Variants in TLE5 observed in about 807,000 individuals in gnomAD.
TLE5 encodes TLE family member 5.
In TLE5, 7 loss-of-function variants were observed where a neutral mutation model predicts 25.8. The ratio of observed to expected loss-of-function variants is 0.27; its 90% confidence interval spans 0.15 to 0.51. The LOEUF (loss-of-function observed/expected upper bound fraction) is 0.51. Ranked by LOEUF, TLE5 falls within the 20% of genes least tolerant of loss-of-function variation. The pLI is 0.97. For synonymous variants in TLE5, 132 were observed against 110.5 expected, an observed-to-expected ratio of 1.20 and a Z score of -1.22; for missense variants, 149 against 250.7, an observed-to-expected ratio of 0.59 and a Z score of 2.74.
At chr19:3,054,086 T>TGGGGGGGGGGGCCCCCCCCC in intron 6 of TLE5, 34 bp downstream of exon 6, 1 of 1,512,810 alleles carries the variant, frequency 6.6e-7, no homozygotes, top group Non-Finnish European at 8.9e-7. Context: ...GGCCCACCTG[T>TGGGGGGGGGGGCCCCCCCCC]CCCCCGCCCA....
chr19:3,062,544 C>G, upstream of TLE5: 1 of 719,750 alleles, frequency 1.4e-6, no homozygotes, highest in Non-Finnish European at 1.7e-6. Flanking sequence ...TGCCGCCGCC[C>G]GTGCCCCGTG....
chr19:3,056,527 G>C (rs2090220426), intron 3 of TLE5, 171 bp from the exon 4 acceptor site: 1,582 of 494,424 alleles, frequency 3.2e-3, no homozygotes, highest in East Asian at 5.9e-3. Flanking sequence ...AGGAGGGAGA[G>C]ACGCCCACAC....
Position 3,054,202 on chromosome 19 carries a change from G to C in TLE5, c.298-8C>G, listed in dbSNP as rs776562315. The C allele has an allele frequency of 3.7e-6, 6 of 1,608,174 alleles. No homozygotes were observed. Among genetic ancestry groups the C allele is most frequent in the Non-Finnish European group, 5.1e-6 (6 of 1,179,128 alleles). ...CAAGACCTGCTGCTGGTGCTGGAAG[G>C]GGGTCGGGGGAGAGGAGAGGCAGTG... On this transcript the variant is annotated splice_polypyrimidine_tract_variant and splice_region_variant and intron_variant, in intron 5 of 6. Transcript: ENST00000327141.
At chr19:3,062,512 C>T, upstream of TLE5, 1 of 632,358 alleles carries the variant, frequency 1.6e-6, no homozygotes, top group African/African-American at 2.0e-5. Flanking sequence ...GGCTCGGCTG[C>T]TGCGGAGGCT....
intron 4 of TLE5, 39 bp from the exon 5 acceptor site, chr19:3,055,765 G>A (rs779487962): frequency 1.3e-6 from 2 of 1,567,570 alleles, no homozygotes; most frequent in Middle Eastern, 1.7e-4. Context: ...GTCCTGGGCG[G>A]GTGGCAGGTG....
At position 3,053,790 on chromosome 19, in the gene TLE5, C is replaced by G. The variant is rs200912573; in HGVS notation, c.*29G>C. On this transcript the variant is annotated 3_prime_UTR_variant, in exon 7 of 7. Coordinates refer to ENST00000327141, the MANE Select transcript of TLE5 (RefSeq NM_001130.6). ...GTGCCTCTGTCTCCCCTCTGTCCCC[C>G]CTCCCAACCTCCCTGTCCCGGCCCC... The G allele has an allele frequency of 3.7e-5, 59 of 1,605,884 alleles. 1 individual carries two copies. The Admixed American group carries it at 6.9e-4, about 19-fold the overall frequency.
chr19:3,058,906 CT>C (rs1230499049), intron 2 of TLE5, among the ~76,000 whole-genome samples: 4 of 152,214 alleles, frequency 2.6e-5, no homozygotes, highest in Non-Finnish European at 5.9e-5. Flanking sequence ...AGCCCTTCGT[CT>C]TCCCTGCTGT....
Position 3,053,977 on chromosome 19 carries a change from G to A in TLE5, c.436C>T (p.Pro146Ser). 1.2e-6 allele frequency: 2 copies of A among 1,610,202 alleles called. No homozygotes were observed. Among genetic ancestry groups the A allele is most frequent in the Non-Finnish European group, 1.7e-6 (2 of 1,178,934 alleles). The stretch of plus-strand genomic sequence containing the variant: ...AGCGAAGGCGGCTGCAGCCCCACGG[G>A]TAGTGGGGTCAAGGGCAGGGCCAGG... ...QALALPLTPL[P>S]VGLQPPSLPA... The change falls in exon 7 of 7, where the codon CCC becomes TCC. Residue 146 changes from proline to serine, a missense_variant. Pro to Ser is a moderately conservative substitution (Grantham distance 74, BLOSUM62 -1). Coordinates refer to ENST00000327141, the MANE Select transcript of TLE5 (RefSeq NM_001130.6).
At chr19:3,054,219 G>C (rs766929318) in intron 5 of TLE5, 25 bp from the exon 6 acceptor site, 1 of 1,602,894 alleles carries the variant, frequency 6.2e-7, no homozygotes, top group Non-Finnish European at 8.5e-7. Flanking sequence ...GGGGAGAGGA[G>C]AGGCAGTGAT....
In TLE5 at chr19:3,053,966, C is replaced by G; in HGVS notation, c.447G>C (p.Leu149=). 1 of 1,610,966 alleles carries G rather than the reference C, an allele frequency of 6.2e-7. No homozygotes were observed. The highest frequency in any genetic ancestry group is 8.5e-7 in the Non-Finnish European group (1 of 1,179,170). ...TGACCGCCGGCAGCGAAGGCGGCTG[C>G]AGCCCCACGGGTAGTGGGGTCAAGG... The part of the protein sequence containing the change: ...ALPLTPLPVG[L]QPPSLPAVSA... The change falls in exon 7 of 7, where the codon CTG becomes CTC. Residue 149 remains leucine (L), a synonymous_variant. Transcript: ENST00000327141.
chr19:3,055,495 G>A (rs909611643), intron 5 of TLE5, 169 bp downstream of exon 5: 13 of 465,918 alleles, frequency 2.8e-5, no homozygotes, highest in African/African-American at 6.0e-5. Context: ...TCTCTGGCCC[G>A]GGGATTCTTC....
chr19:3,053,812 C>T lies in TLE5; in HGVS notation c.*7G>A. Reference sequence around the variant, plus strand: ...CCCCCTCCCAACCTCCCTGTCCCGGCCCCCTGCTAATCCGACTTCTCGCCA... The same window carrying T: ...CCCCCTCCCAACCTCCCTGTCCCGGTCCCCTGCTAATCCGACTTCTCGCCA... On this transcript the variant is annotated 3_prime_UTR_variant, in exon 7 of 7. Transcript: ENST00000327141. 1.9e-6 allele frequency: 3 copies of T among 1,612,522 alleles called. No homozygotes were observed. The highest frequency in any genetic ancestry group is 2.5e-6 in the Non-Finnish European group (3 of 1,179,648).
chr19:3,054,169 A>G lies in TLE5; in HGVS notation c.323T>C (p.Ile108Thr), dbSNP rs773900384. ...QEHQQQVLGA[I>T]ERAKQVTAPE... Reference sequence around the variant, plus strand: ...AGCGGTGACCTGCTTGGCCCTCTCAATGGCTCCCAAGACCTGCTGCTGGTG... The same window carrying G: ...AGCGGTGACCTGCTTGGCCCTCTCAGTGGCTCCCAAGACCTGCTGCTGGTG... The change falls in exon 6 of 7, where the codon ATT becomes ACT. Residue 108 changes from isoleucine (I) to threonine (T), a missense_variant. By Grantham distance (89) the Ile-to-Thr change is moderately conservative. Coordinates refer to ENST00000327141, the MANE Select transcript of TLE5 (RefSeq NM_001130.6). The G allele has an allele frequency of 6.3e-7, 1 of 1,594,276 alleles. No individual in the cohort carries two copies. Among genetic ancestry groups the G allele is most frequent in the Non-Finnish European group, 8.5e-7 (1 of 1,175,130 alleles).
chr19:3,059,156 G>A (rs1328565493), intron 2 of TLE5, among the ~76,000 whole-genome samples: 3 of 152,162 alleles, frequency 2.0e-5, no homozygotes, highest in Admixed American at 1.3e-4. Flanking sequence ...TGCTTTGGCC[G>A]CCACCAATTT....
At chr19:3,056,272 A>AGG in intron 4 of TLE5, 40 bp downstream of exon 4, 1 of 1,206,446 alleles carries the variant, frequency 8.3e-7, no homozygotes, top group African/African-American at 1.7e-5. Context: ...GAGGAGGGGG[A>AGG]AGGAGGAGGA....
chr19:3,058,873 C>G (rs1438546320), intron 2 of TLE5, among the ~76,000 whole-genome samples: 1 of 152,208 alleles, frequency 6.6e-6, no homozygotes. Context: ...TCCCCACCCC[C>G]TCTCGGACTG....
chr19:3,055,788 A>T, intron 4 of TLE5, 62 bp from the exon 5 acceptor site: 1 of 1,523,992 alleles, frequency 6.6e-7, no homozygotes, highest in Non-Finnish European at 8.9e-7. Context: ...GGCTAGCCAC[A>T]GGAGGCCTGC....
upstream of TLE5, chr19:3,062,554 G>T: frequency 1.3e-6 from 1 of 775,260 alleles, no homozygotes; most frequent in Non-Finnish European, 1.6e-6. Flanking sequence ...CGTGCCCCGT[G>T]CGCGCCGCCG....
At chr19:3,062,746 G>A, upstream of TLE5, 1 of 1,545,500 alleles carries the variant, frequency 6.5e-7, no homozygotes, top group Non-Finnish European at 8.7e-7. Flanking sequence ...AAAGAAAAGG[G>A]ACCCGGCTGC....
Sources: allele counts gnomAD v4.1 joint callset (sites outside exome capture counted in the v4.1 genomes callset), GRCh38; gene constraint gnomAD v4.1.1; transcripts MANE v1.5; gene names NCBI Gene and HGNC (gene_info 2026-07-23, HGNC 2026-07-21).